Variants in ARAP3 observed in about 807,000 individuals in gnomAD.
The protein encoded by ARAP3 is arf-GAP with Rho-GAP domain, ANK repeat and PH domain-containing protein 3.
Under a neutral mutation model 169.2 loss-of-function variants are expected in ARAP3, and 82 were observed. The ratio of observed to expected loss-of-function variants is 0.48; its 90% CI spans 0.41 to 0.58. The LOEUF is 0.58. Ranked by LOEUF, ARAP3 falls within the 20% of genes least tolerant of loss-of-function variation. The probability of loss-of-function intolerance (pLI) is 0.00; values close to 1 mark genes in which losing one functional copy is unlikely to be tolerated. For missense variants in ARAP3, 1,764 were observed against 2,018.0 expected (o/e 0.87, Z 2.41); for synonymous variants, 791 against 800.3 (o/e 0.99, Z 0.20).
Position 141,654,251 on chromosome 5 carries a change from A to G in ARAP3, c.4334T>C (p.Leu1445Ser), listed in dbSNP as rs761684631. The change falls in exon 33 of 33, where the codon TTG (leucine) becomes TCG (serine). Residue 1445 changes from leucine to serine, a missense_variant. Physicochemically the swap from Leu to Ser is moderately radical, Grantham distance 145 (BLOSUM62 -2). Around this residue, in one of 3 missense-constraint regions of ARAP3, gnomAD observed 1,112 missense variants for 1,285.7 expected, o/e 0.86. Coordinates refer to ENST00000239440, the MANE Select transcript of ARAP3 (RefSeq NM_022481.6). ...PENPLTSQKSLDQPFLSKSST... is the reference protein window; with the variant it reads ...PENPLTSQKSSDQPFLSKSST... Reference sequence around the variant, plus strand: ...TGACTTGGAGAGAAAGGGTTGATCCAATGACTTCTGGCTGGTGAGGGGGTT... The same window carrying G: ...TGACTTGGAGAGAAAGGGTTGATCCGATGACTTCTGGCTGGTGAGGGGGTT... The G allele has an allele frequency of 8.7e-6, 14 of 1,614,010 alleles. No individual in the cohort carries two copies. In the Admixed American group the frequency reaches 1.2e-4, roughly 13 times the overall value.
intron 4 of ARAP3, among the ~76,000 whole-genome samples, chr5:141,675,144 A>C (rs1295098842): frequency 6.6e-6 from 1 of 152,168 alleles, no homozygotes; most frequent in African/African-American, 2.4e-5. Context: ...TCTACCTAGA[A>C]CTTGCCGCCT....
intron 21 of ARAP3, among the ~76,000 whole-genome samples, chr5:141,660,948 AT>A (rs1406225108): frequency 2.6e-5 from 4 of 152,144 alleles, no homozygotes; most frequent in Non-Finnish European, 5.9e-5. Flanking sequence ...ACAAAATAAT[AT>A]TGATTGCTAA....
At position 141,671,322 on chromosome 5, in the gene ARAP3, C is replaced by T. The variant is rs1433251800; in HGVS notation, c.1933G>A (p.Glu645Lys). 6.2e-6 allele frequency: 10 copies of T among 1,613,596 alleles called. No homozygotes were observed. The highest frequency in any genetic ancestry group is 2.7e-5 in the African/African-American group (2 of 74,916). The change falls in exon 13 of 33, where the codon GAG becomes AAG. Residue 645 changes from glutamate to lysine, a missense_variant. Physicochemically the swap from Glu to Lys is moderately conservative, Grantham distance 56. Around this residue, in one of 3 missense-constraint regions of ARAP3, gnomAD observed 1,112 missense variants for 1,285.7 expected, o/e 0.86. Coordinates refer to ENST00000239440, the MANE Select transcript of ARAP3 (RefSeq NM_022481.6). The surrounding 1 kb of genome is among the most constrained non-coding windows in gnomAD (Gnocchi z 4.9). ...GGGGCTGGGGGGAACCAGGGCTCCT[C>T]GCCTTCAAAGGCCTCAACACAGAGG... ...QLLCVEAFEG[E>K]EPWFPPAPDG... is the part of the protein sequence containing the mutation.
chr5:141,672,662 G>T lies in ARAP3; in HGVS notation c.1279-4C>A, dbSNP rs1465451038. 5.0e-5 allele frequency: 80 copies of T among 1,613,774 alleles called. No homozygotes were observed. Among genetic ancestry groups the T allele is most frequent in the Non-Finnish European group, 6.5e-5 (77 of 1,179,882 alleles). On this transcript the variant is annotated splice_region_variant and splice_polypyrimidine_tract_variant and intron_variant, in intron 8 of 32. Coordinates refer to ENST00000239440, the MANE Select transcript of ARAP3 (RefSeq NM_022481.6). The surrounding 1 kb of genome is among the most constrained non-coding windows in gnomAD (Gnocchi z 4.9). ...TCCCGATGCCCAGAGAGAAGGCCTG[G>T]TGGGGTCAGGGGGTGGGCATCATGA...
chr5:141,658,404 A>G lies in ARAP3; in HGVS notation c.3487T>C (p.Leu1163=). The change falls in exon 25 of 33, where the codon TTG becomes CTG. Residue 1163 remains leucine, a synonymous_variant. Coordinates refer to ENST00000239440, the MANE Select transcript of ARAP3 (RefSeq NM_022481.6). ...TCGCGAATCTCAAAAGTCACCCACA[A>G]GTCCATCCCAGCTGCTGTCCCCCGC... ...EMRGTAAGMD[L]WVTFEIREHG... is the part of the protein sequence containing the mutation. The G allele has an allele frequency of 6.2e-7, 1 of 1,614,000 alleles. No individual in the cohort carries two copies. Among genetic ancestry groups the G allele is most frequent in the Non-Finnish European group, 8.5e-7 (1 of 1,180,032 alleles).
chr5:141,672,186 T>C lies in ARAP3; in HGVS notation c.1501A>G (p.Asn501Asp), dbSNP rs1399346425. The C allele has an allele frequency of 1.2e-6, 2 of 1,614,184 alleles. No individual in the cohort carries two copies. Among genetic ancestry groups the C allele is most frequent in the East Asian group, 2.2e-5 (1 of 44,876 alleles). Residue 501 changes from asparagine (N) to aspartate (D), a missense_variant, in exon 10 of 33, where the codon AAC becomes GAC. Asn to Asp is a conservative substitution (Grantham distance 23). Around this residue, in one of 3 missense-constraint regions of ARAP3, gnomAD observed 630 missense variants for 678.7 expected, o/e 0.93. Transcript: ENST00000239440. The surrounding 1 kb of genome is among the most constrained non-coding windows in gnomAD (Gnocchi z 4.9). Reference sequence around the variant, plus strand: ...GACCCACAGTCCGCACACTGCCGGTTGGCCCGATTAGACCAGATCTTCTCA... The same window carrying C: ...GACCCACAGTCCGCACACTGCCGGTCGGCCCGATTAGACCAGATCTTCTCA... ...VAEKIWSNRA[N>D]RQCADCGSSR...
At chr5:141,677,851 C>A (rs978408068) in intron 4 of ARAP3, among the ~76,000 whole-genome samples, 1 of 152,034 alleles carries the variant, frequency 6.6e-6, no homozygotes, top group African/African-American at 2.4e-5. Flanking sequence ...GTGGCATGAT[C>A]TTGACTTGCT....
At chr5:141,677,762 T>C (rs1171324288) in intron 4 of ARAP3, among the ~76,000 whole-genome samples, 1 of 151,560 alleles carries the variant, frequency 6.6e-6, no homozygotes, top group East Asian at 1.9e-4. Flanking sequence ...TGGTTTTGTT[T>C]TGTTTTTTGT....
At position 141,658,350 on chromosome 5, in the gene ARAP3, C is replaced by T. The variant is rs371519146; in HGVS notation, c.3526+15G>A. The T allele has an allele frequency of 4.3e-6, 7 of 1,609,870 alleles. No individual in the cohort carries two copies. The highest frequency in any genetic ancestry group is 3.3e-5 in the South Asian group (3 of 90,892). ...ATATACACATGCATGAACACACAGG[C>T]GTGGTCATACTCACCCAGCTCCCCA... On this transcript the variant is annotated intron_variant, in intron 25 of 32. Transcript: ENST00000239440.
intron 4 of ARAP3, among the ~76,000 whole-genome samples, chr5:141,677,762 TTGTTTTTTGTTTTTG>T (rs2099912382): frequency 6.6e-6 from 1 of 151,560 alleles, no homozygotes; most frequent in Non-Finnish European, 1.5e-5. Flanking sequence ...TGGTTTTGTT[TTGTTTTTTGTTTTTG>T]TTTTTTTTGT....
At chr5:141,659,993 A>G (rs1014169718) in intron 21 of ARAP3, 67 bp from the exon 22 acceptor site, 17 of 1,498,860 alleles carry the variant, frequency 1.1e-5, no homozygotes, top group South Asian at 3.9e-5. Flanking sequence ...TTGAGTCCCT[A>G]TTGTATGCCT....
chr5:141,655,481 G>A lies in ARAP3; in HGVS notation c.4111-81C>T, dbSNP rs1035650779. 4 of 1,578,094 alleles carry A rather than the reference G, an allele frequency of 2.5e-6. No individual in the cohort carries two copies. In the African/African-American group the frequency reaches 4.0e-5, roughly 16 times the overall value. Reference sequence around the variant, plus strand: ...GACTAGCAACAGGAGACAGGGGTGGGGAATGGGGGTGAAGAAGGCAGAAGG... The same window carrying A: ...GACTAGCAACAGGAGACAGGGGTGGAGAATGGGGGTGAAGAAGGCAGAAGG... On this transcript the variant is annotated intron_variant, in intron 31 of 32. Transcript: ENST00000239440.
At chr5:141,654,467 C>A in intron 32 of ARAP3, 32 bp from the exon 33 acceptor site, 2 of 1,528,672 alleles carry the variant, frequency 1.3e-6, no homozygotes, top group Non-Finnish European at 1.8e-6. Flanking sequence ...GGAGTGGGCA[C>A]ATAGTTAAAG....
In ARAP3 at chr5:141,672,753, G is replaced by A. The variant is rs1425606021; in HGVS notation, c.1266C>T (p.Tyr422=). 2 of 1,607,502 alleles carry A rather than the reference G, an allele frequency of 1.2e-6. No individual in the cohort carries two copies. The highest frequency in any genetic ancestry group is 2.7e-5 in the African/African-American group (2 of 74,648). The change falls in exon 8 of 33, where the codon TAC becomes TAT. Residue 422 remains tyrosine (Y), a synonymous_variant. Transcript: ENST00000239440. This position sits in a 1 kb window ranked among gnomAD's most constrained non-coding sequence, Gnocchi z 4.9. ...AALSPGELAL[Y]KSEQAFSLGI... ...CGGCTCTCCTCACCTGCTCACTCTT[G>A]TACAGTGCCAGCTCTCCAGGGCTCA...
At chr5:141,665,141 G>A in intron 18 of ARAP3, 56 bp from the exon 19 acceptor site, 2 of 1,575,010 alleles carry the variant, frequency 1.3e-6, no homozygotes, top group East Asian at 2.2e-5. Flanking sequence ...GATGCATGGG[G>A]ACCAGACTTC....
At chr5:141,658,509 T>A in intron 24 of ARAP3, 30 bp from the exon 25 acceptor site, 7 of 1,614,012 alleles carry the variant, frequency 4.3e-6, no homozygotes, top group Non-Finnish European at 5.9e-6. Context: ...AGAGAATTCA[T>A]GCTGGTCAGG....
At chr5:141,675,333 T>C (rs987227036) in intron 4 of ARAP3, among the ~76,000 whole-genome samples, 2 of 152,054 alleles carry the variant, frequency 1.3e-5, no homozygotes, top group African/African-American at 4.8e-5. Flanking sequence ...TATCAGTACA[T>C]GGGCTCCACA....
chr5:141,664,670 G>C (rs889164606), intron 19 of ARAP3, among the ~76,000 whole-genome samples: 35 of 152,144 alleles, frequency 2.3e-4, no homozygotes, highest in African/African-American at 7.5e-4. Flanking sequence ...GACAGGCATT[G>C]TCTCACTGTC....
chr5:141,673,812 G>A lies in ARAP3; in HGVS notation c.699-4C>T. ...CTCCAGATCCTGTCTGCTGAGCCTTGTGGGGGCCAAGACAGGGAGGGACAC... is the reference window on the plus strand; with the variant it reads ...CTCCAGATCCTGTCTGCTGAGCCTTATGGGGGCCAAGACAGGGAGGGACAC... On this transcript the variant is annotated splice_polypyrimidine_tract_variant and splice_region_variant and intron_variant, in intron 4 of 32. Transcript: ENST00000239440. 1 of 1,613,776 alleles carries A rather than the reference G, an allele frequency of 6.2e-7. No individual in the cohort carries two copies.
Sources: gnomAD v4.1 joint callset for allele counts (sites outside exome capture counted in the v4.1 genomes callset) on GRCh38, gnomAD v4.1.1 for gene constraint, gnomAD v4.1.1 regional missense constraint, Gnocchi (gnomAD v3.1) non-coding constraint, MANE v1.5 for transcripts, NCBI Gene and HGNC (gene_info 2026-07-23, HGNC 2026-07-21) for gene names.